LMO4: variants seen among roughly 807,000 people sequenced by gnomAD.
The protein encoded by LMO4 is LIM domain transcription factor LMO4.
LMO4 carries 3 observed loss-of-function variants against 18.5 expected under a neutral mutation model. That is an observed-to-expected ratio of 0.16 (90% CI 0.07 to 0.42). LMO4 has a LOEUF of 0.42. LMO4 is among the 10% of genes least tolerant of loss of function. LMO4 has a pLI of 0.99. For synonymous variants in LMO4, 100 were observed against 88.1 expected, an observed-to-expected ratio of 1.14 and a Z score of -0.76; for missense variants, 121 against 219.9, an observed-to-expected ratio of 0.55 and a Z score of 2.84.
In LMO4 at chr1:87,346,620, T is replaced by C. The variant is rs541275857; in HGVS notation, c.*1824T>C. On this transcript the variant is annotated 3_prime_UTR_variant, in exon 5 of 5. Coordinates refer to ENST00000370544, the MANE Select transcript of LMO4 (RefSeq NM_006769.4). ...CAGTCAGCTTCCCTTTGAGAACTTC[T>C]GTGCTCACTTCCTGTTTTCAGAGAT... The C allele has an allele frequency of 6.5e-4, 98 of 151,620 alleles. No individual in the cohort carries two copies. Among genetic ancestry groups the C allele is most frequent in the African/African-American group, 2.2e-3 (89 of 40,878 alleles). 9.4% of individuals were successfully genotyped at this position (151,620 alleles called of 1,614,324 possible). A position where few individuals can be genotyped will look rare whatever the true frequency, so the allele number is the denominator to read the frequency against.
intron 3 of LMO4, 53 bp from the exon 4 acceptor site, chr1:87,339,992 CAA>C (rs1308447383): frequency 6.3e-7 from 1 of 1,578,996 alleles, no homozygotes; most frequent in Non-Finnish European, 8.6e-7. Flanking sequence ...AACTTGTGAC[CAA>C]AAAAAGACTT....
chr1:87,339,664 A>ATTTT (rs1165670384), intron 3 of LMO4, 32 bp downstream of exon 3: 1 of 1,419,330 alleles, frequency 7.0e-7, no homozygotes, highest in African/African-American at 1.4e-5. Flanking sequence ...TTTTTTTAAA[A>ATTTT]AAAAAATCAT....
intron 2 of LMO4, among the ~76,000 whole-genome samples, chr1:87,334,670 A>G (rs922414648): frequency 3.3e-5 from 5 of 152,112 alleles, no homozygotes; most frequent in Admixed American, 2.0e-4. Context: ...AGGTCTTGCT[A>G]AAAAGCTGCG....
At chr1:87,329,683 G>A (rs1031531374) in intron 1 of LMO4, among the ~76,000 whole-genome samples, 17 of 152,178 alleles carry the variant, frequency 1.1e-4, no homozygotes, top group African/African-American at 4.1e-4. Context: ...GGATCTAAGT[G>A]AGCAGGATTC....
At position 87,345,963 on chromosome 1, in the gene LMO4, C is replaced by T. The variant is rs1165158446; in HGVS notation, c.*1167C>T. On this transcript the variant is annotated 3_prime_UTR_variant, in exon 5 of 5. Transcript: ENST00000370544. The stretch of plus-strand genomic sequence containing the variant: ...TGAAAAGTATGTATAAAAAAAAATA[C>T]GGCACAACCATCCTGTTCTCTTATT... The T allele has an allele frequency of 4.6e-5, 7 of 152,052 alleles. No individual in the cohort carries two copies. Among genetic ancestry groups the T allele is most frequent in the African/African-American group, 9.7e-5 (4 of 41,402 alleles). The allele number at this position is 152,052 out of a possible 1,614,324, so 9.4% of individuals were successfully genotyped here.
In LMO4 at chr1:87,339,434, C is replaced by T. The variant is rs1650408817; in HGVS notation, c.237-102C>T. The T allele has an allele frequency of 4.2e-5, 31 of 739,340 alleles. No homozygotes were observed. In the South Asian group the frequency reaches 5.3e-4, roughly 13 times the overall value. 45.8% of individuals were successfully genotyped at this position (739,340 alleles called of 1,614,324 possible). A position where few individuals can be genotyped will look rare whatever the true frequency, so the allele number is the denominator to read the frequency against. ...GCTTGAGCCTAAGAATTCAGCCTGT[C>T]AAATGCATTCCAAAGGGATGCCCAG... On this transcript the variant is annotated intron_variant, in intron 2 of 4. Coordinates refer to ENST00000370544, the MANE Select transcript of LMO4 (RefSeq NM_006769.4).
intron 2 of LMO4, among the ~76,000 whole-genome samples, chr1:87,339,227 C>CTT (rs34448167): frequency 6.8e-6 from 1 of 147,842 alleles, no homozygotes. Context: ...TGAATTGTAT[C>CTT]TTTTTTTTTT....
In LMO4 at chr1:87,345,808, A is replaced by G. The variant is rs1268723954; in HGVS notation, c.*1012A>G. The G allele has an allele frequency of 6.6e-6, 1 of 152,202 alleles. No individual in the cohort carries two copies. The highest frequency in any genetic ancestry group is 1.9e-4 in the East Asian group (1 of 5,204). 9.4% of individuals were successfully genotyped at this position (152,202 alleles called of 1,614,324 possible). On this transcript the variant is annotated 3_prime_UTR_variant, in exon 5 of 5. Transcript: ENST00000370544. ...TCTAACAGGGTCCTTTCTATAAGTC[A>G]AGAATATTCTGTTAACAGCATTTCG...
rs146164119 is a variant in LMO4 at position 87,330,990 on chromosome 1, A to G, written c.-3-1023A>G. Among the ~76,000 whole-genome samples, 538 of 145,198 alleles carry G rather than the reference A, an allele frequency of 3.7e-3. 3 individuals carry two copies. The highest frequency in any genetic ancestry group is 0.011 in the African/African-American group (434 of 39,758). The stretch of plus-strand genomic sequence containing the variant: ...CTTTTTTAAAGCAGTTTTTGGTGAC[A>G]GCAGGACGGGCTCGAATTTAACTTG... On this transcript the variant is annotated intron_variant, in intron 1 of 4. Transcript: ENST00000370544.
chr1:87,345,828 A>G lies in LMO4; in HGVS notation c.*1032A>G, dbSNP rs1650609360. The stretch of plus-strand genomic sequence containing the variant: ...AAGTCAAGAATATTCTGTTAACAGC[A>G]TTTCGTTACACTTCTATATCACAGT... On this transcript the variant is annotated 3_prime_UTR_variant, in exon 5 of 5. Transcript: ENST00000370544. 1 of 152,180 alleles carries G rather than the reference A, an allele frequency of 6.6e-6. No individual in the cohort carries two copies. The highest frequency in any genetic ancestry group is 1.5e-5 in the Non-Finnish European group (1 of 68,036). 9.4% of individuals were successfully genotyped at this position (152,180 alleles called of 1,614,324 possible). A position where few individuals can be genotyped will look rare whatever the true frequency, so the allele number is the denominator to read the frequency against.
At chr1:87,344,624 C>A (rs972701251) in intron 4 of LMO4, among the ~76,000 whole-genome samples, 164 bp from the exon 5 acceptor site, 11 of 152,222 alleles carry the variant, frequency 7.2e-5, no homozygotes, top group African/African-American at 2.2e-4. Context: ...TAGTTCTTCA[C>A]TGCCAGAGTA....
At chr1:87,337,607 A>G (rs1018834121) in intron 2 of LMO4, among the ~76,000 whole-genome samples, 1 of 152,168 alleles carries the variant, frequency 6.6e-6, no homozygotes, top group Non-Finnish European at 1.5e-5. Flanking sequence ...TCTTATCCTC[A>G]GCATGTATTT....
Position 87,345,135 on chromosome 1 carries a change from A to C in LMO4, c.*339A>C, listed in dbSNP as rs1570270574. 3.7e-6 allele frequency: 1 copy of C among 273,160 alleles called. No individual in the cohort carries two copies. Among genetic ancestry groups the C allele is most frequent in the African/African-American group, 2.2e-5 (1 of 45,328 alleles). The allele number at this position is 273,160 out of a possible 1,614,324, so 16.9% of individuals were successfully genotyped here. On this transcript the variant is annotated 3_prime_UTR_variant, in exon 5 of 5. Transcript: ENST00000370544. ...AAAGAAGCATTCAAATCTGCTTTCT[A>C]CCCTCATTAACAATTAGCAGGGCAC...
At chr1:87,335,074 C>T (rs1366077890) in intron 2 of LMO4, among the ~76,000 whole-genome samples, 4 of 151,440 alleles carry the variant, frequency 2.6e-5, no homozygotes, top group East Asian at 1.9e-4. Context: ...GAGGGTGGAT[C>T]TTAAAGGGAC....
chr1:87,339,994 A>G, intron 3 of LMO4, 53 bp from the exon 4 acceptor site: 1 of 1,590,414 alleles, frequency 6.3e-7, no homozygotes, highest in South Asian at 1.1e-5. Context: ...CTTGTGACCA[A>G]AAAAAGACTT....
At chr1:87,336,808 A>G (rs1369242131) in intron 2 of LMO4, among the ~76,000 whole-genome samples, 2 of 152,166 alleles carry the variant, frequency 1.3e-5, no homozygotes, top group African/African-American at 2.4e-5. Context: ...CCTGGGGTAT[A>G]TCTCCCCGTT....
intron 2 of LMO4, among the ~76,000 whole-genome samples, chr1:87,338,550 T>G (rs1650378871): frequency 6.6e-6 from 1 of 152,218 alleles, no homozygotes; most frequent in Non-Finnish European, 1.5e-5. Flanking sequence ...GTCTACAGAT[T>G]GCATAAAAGC....
intron 3 of LMO4, 29 bp downstream of exon 3, chr1:87,339,661 A>T (rs74098398): frequency 0.016 from 17,876 of 1,125,524 alleles, 672 homozygotes; most frequent in African/African-American, 0.15. Flanking sequence ...TTTTTTTTTT[A>T]AAAAAAAAAT....
Position 87,346,459 on chromosome 1 carries a change from T to TGAAC in LMO4, c.*1665_*1668dup, listed in dbSNP as rs1184700025. ...TCACAGGCTAATAAAACCAGGTGTG[T>TGAAC]GAACGCTACTATTTTAAATTTTCTT... On this transcript the variant is annotated 3_prime_UTR_variant, in exon 5 of 5. Transcript: ENST00000370544. 1 of 152,240 alleles carries TGAAC rather than the reference T, an allele frequency of 6.6e-6. No homozygotes were observed. The highest frequency in any genetic ancestry group is 2.4e-5 in the African/African-American group (1 of 41,454). The allele number at this position is 152,240 out of a possible 1,614,324, so 9.4% of individuals were successfully genotyped here. A position where few individuals can be genotyped will look rare whatever the true frequency, so the allele number is the denominator to read the frequency against.
Sources: allele counts gnomAD v4.1 joint callset (sites outside exome capture counted in the v4.1 genomes callset), GRCh38; gene constraint gnomAD v4.1.1; transcripts MANE v1.5; gene names NCBI Gene and HGNC (gene_info 2026-07-23, HGNC 2026-07-21).